The following STAG1 variants were observed in gnomAD, a reference collection of about 807,000 sequenced individuals.
STAG1 encodes STAG1 cohesin complex component.
In STAG1, 26 loss-of-function variants were observed where a neutral mutation model predicts 170.9. The ratio of observed to expected loss-of-function variants is 0.15; its 90% confidence interval spans 0.11 to 0.21. STAG1 has a LOEUF of 0.21. STAG1 is among the 10% of genes least tolerant of loss of function. The pLI is 1.00. For synonymous variants in STAG1, 514 were observed against 497.7 expected (o/e 1.03, Z -0.44); for missense variants, 964 against 1,509.5 (o/e 0.64, Z 5.99).
intron 15 of STAG1, among the ~76,000 whole-genome samples, chr3:136,435,824 C>A (rs552558846): frequency 1.3e-5 from 2 of 151,998 alleles, no homozygotes; most frequent in East Asian, 3.9e-4. Flanking sequence ...TGGCTGCCAC[C>A]GCCCCTGGCT....
chr3:136,608,633 G>A (rs1465294868), intron 3 of STAG1, among the ~76,000 whole-genome samples: 1 of 149,938 alleles, frequency 6.7e-6, no homozygotes, highest in Non-Finnish European at 1.5e-5. Flanking sequence ...TGAGCAACAT[G>A]GCAAAAGCCC....
chr3:136,662,334 T>C (rs544829550), intron 1 of STAG1, among the ~76,000 whole-genome samples: 5 of 152,096 alleles, frequency 3.3e-5, no homozygotes, highest in African/African-American at 1.2e-4. Flanking sequence ...GTATTTTTAG[T>C]AGAGACAGGG....
intron 29 of STAG1, 31 bp downstream of exon 29, chr3:136,349,127 A>C (rs753346837): frequency 6.5e-7 from 1 of 1,530,580 alleles, no homozygotes; most frequent in Non-Finnish European, 9.1e-7. Flanking sequence ...AACCAGGCAA[A>C]TTGTTTCTTA....
intron 2 of STAG1, 114 bp downstream of exon 2, chr3:136,630,756 C>T: frequency 1.3e-6 from 1 of 782,558 alleles, no homozygotes; most frequent in Non-Finnish European, 2.1e-6. Context: ...GATATTGTCC[C>T]AATATCAAAG....
chr3:136,358,475 T>G (rs1936740079), intron 27 of STAG1, among the ~76,000 whole-genome samples: 1 of 152,198 alleles, frequency 6.6e-6, no homozygotes. Flanking sequence ...GAGCTGGTAA[T>G]GGTACCAAGC....
chr3:136,671,991 T>C (rs531733807), intron 1 of STAG1, among the ~76,000 whole-genome samples: 31 of 152,186 alleles, frequency 2.0e-4, no homozygotes, highest in Non-Finnish European at 2.9e-4. Context: ...CAGGGGGTGG[T>C]AGTAAATTTC....
chr3:136,368,967 T>C (rs1937188258), intron 24 of STAG1, 141 bp downstream of exon 24: 3 of 617,146 alleles, frequency 4.9e-6, no homozygotes, highest in Non-Finnish European at 5.0e-6. Context: ...CTAGGATTAC[T>C]GGTGTCAGCC....
At chr3:136,492,347 CTG>C (rs944108065) in intron 9 of STAG1, among the ~76,000 whole-genome samples, 5 of 152,266 alleles carry the variant, frequency 3.3e-5, no homozygotes, top group African/African-American at 7.2e-5. Context: ...AATTAAATAA[CTG>C]TTGTTTCTAC....
intron 7 of STAG1, among the ~76,000 whole-genome samples, chr3:136,509,146 T>C (rs1169953100): frequency 1.1e-4 from 16 of 152,234 alleles, no homozygotes. Flanking sequence ...GAGGCCACTG[T>C]AGTTAAGAAA....
At chr3:136,522,652 G>C (rs914436133) in intron 6 of STAG1, among the ~76,000 whole-genome samples, 1 of 151,996 alleles carries the variant, frequency 6.6e-6, no homozygotes, top group Non-Finnish European at 1.5e-5. Context: ...CATGTGTCAT[G>C]TTGGTGTGCT....
chr3:136,627,771 C>A (rs9820717), intron 2 of STAG1, among the ~76,000 whole-genome samples: 26,491 of 152,120 alleles, frequency 0.17, 2,619 homozygotes, highest in Non-Finnish European at 0.22. Context: ...AAATTAAGAG[C>A]ATGGAAGAGT....
intron 1 of STAG1, among the ~76,000 whole-genome samples, chr3:136,672,037 C>T (rs1321679807): frequency 6.6e-6 from 1 of 152,264 alleles, no homozygotes. Flanking sequence ...ATAACCAATC[C>T]ACCAATAAAT....
Position 136,422,523 on chromosome 3 carries a change from T to C in STAG1, c.1924A>G (p.Ile642Val), listed in dbSNP as rs373646749. 2 of 1,613,950 alleles carry C rather than the reference T, an allele frequency of 1.2e-6. No homozygotes were observed. The highest frequency in any genetic ancestry group is 1.7e-6 in the Non-Finnish European group (2 of 1,179,978). Reference protein sequence around the residue: ...VLEACSKTYSILCSEEYTIQN... With the variant: ...VLEACSKTYSVLCSEEYTIQN... ...ATGGTATATTCTTCACTGCATAAGA[T>C]ACTATAGGTTTTACTGCAGGCTTCT... Residue 642 changes from isoleucine to valine, a missense_variant, in exon 19 of 34, where the codon ATC becomes GTC. Coordinates refer to ENST00000383202, the MANE Select transcript of STAG1 (RefSeq NM_005862.3).
intron 4 of STAG1, among the ~76,000 whole-genome samples, chr3:136,579,750 T>C (rs1305332841): frequency 6.6e-6 from 1 of 152,194 alleles, no homozygotes; most frequent in African/African-American, 2.4e-5. Flanking sequence ...CATTCTACTT[T>C]GCATATGTTT....
intron 28 of STAG1, among the ~76,000 whole-genome samples, chr3:136,351,208 A>T (rs1429170125): frequency 2.0e-5 from 3 of 151,856 alleles, no homozygotes; most frequent in African/African-American, 7.3e-5. Context: ...ACAGCATTGG[A>T]AGAATGCTTT....
intron 1 of STAG1, among the ~76,000 whole-genome samples, chr3:136,634,719 T>C (rs1208385758): frequency 1.3e-5 from 2 of 150,104 alleles, no homozygotes; most frequent in African/African-American, 4.9e-5. Context: ...AAATAATTAG[T>C]GCACAGATAA....
chr3:136,344,374 T>C (rs950719241), intron 29 of STAG1, among the ~76,000 whole-genome samples: 3 of 152,146 alleles, frequency 2.0e-5, no homozygotes, highest in Non-Finnish European at 4.4e-5. Context: ...CTTTTCTTTG[T>C]TCAAGCAATA....
chr3:136,597,047 A>C (rs1173124916), intron 4 of STAG1, among the ~76,000 whole-genome samples: 1 of 152,194 alleles, frequency 6.6e-6, no homozygotes, highest in Non-Finnish European at 1.5e-5. Context: ...TGGCACCCCA[A>C]TCTGCGCGAC....
chr3:136,403,224 T>TA (rs55678408), intron 21 of STAG1, among the ~76,000 whole-genome samples: 1,397 of 33,698 alleles, frequency 0.041, 91 homozygotes, highest in African/African-American at 0.14. Context: ...GAGACTGTCT[T>TA]AAAAAAAAAA....
Sources: gnomAD v4.1 joint callset for allele counts (sites outside exome capture counted in the v4.1 genomes callset) on GRCh38, gnomAD v4.1.1 for gene constraint, MANE v1.5 for transcripts, NCBI Gene and HGNC (gene_info 2026-07-23, HGNC 2026-07-21) for gene names.